The following NEO1 variants were observed in gnomAD, a reference collection of about 807,000 sequenced individuals.
The protein encoded by NEO1 is neogenin.
A neutral mutation model predicts 159.7 loss-of-function variants in NEO1; 63 were observed. The observed-to-expected ratio is 0.39, with a 90% CI of 0.32 to 0.49. NEO1 has a LOEUF of 0.49. Ranked by LOEUF, NEO1 falls within the 20% of genes least tolerant of loss-of-function variation. The pLI is 0.85. For synonymous variants in NEO1, 633 were observed against 662.0 expected (o/e 0.96, Z 0.67); for missense variants, 1,615 against 1,831.0 (o/e 0.88, Z 2.15).
chr15:73,082,354 G>T (rs28676873), intron 1 of NEO1, among the ~76,000 whole-genome samples: 28 of 151,776 alleles, frequency 1.8e-4, no homozygotes, highest in Admixed American at 1.4e-3. Context: ...TCTGTCTACC[G>T]CATCGTAATA....
rs182208025 is a variant in NEO1 at position 73,068,680 on chromosome 15, T to A, written c.130+15875T>A. Among the ~76,000 whole-genome samples the A allele has an allele frequency of 2.5e-3, 380 of 152,244 alleles. 3 individuals are homozygous for A. Among genetic ancestry groups the A allele is most frequent in the African/African-American group, 7.8e-3 (323 of 41,526 alleles). ...TTGGTGTTTTTATTTATTAATTTTT[T>A]AAAAATTTGTTCAGTTATTTTAGTG... On this transcript the variant is annotated intron_variant, in intron 1 of 28. Coordinates refer to ENST00000261908, the MANE Select transcript of NEO1 (RefSeq NM_002499.4).
At chr15:73,170,304 C>T (rs1051615280) in intron 5 of NEO1, among the ~76,000 whole-genome samples, 2 of 152,078 alleles carry the variant, frequency 1.3e-5, no homozygotes, top group African/African-American at 4.8e-5. Context: ...ATGTTAGTGT[C>T]ATTGAGAACA....
intron 1 of NEO1, among the ~76,000 whole-genome samples, chr15:73,075,391 G>A (rs914861619): frequency 3.3e-5 from 5 of 152,098 alleles, no homozygotes; most frequent in African/African-American, 1.2e-4. Flanking sequence ...TGTAACCTGA[G>A]ACAACATATT....
chr15:73,197,466 A>C (rs1748470865), intron 7 of NEO1, among the ~76,000 whole-genome samples: 2 of 152,128 alleles, frequency 1.3e-5, no homozygotes, highest in Admixed American at 6.5e-5. Context: ...ATGCATTAGG[A>C]ATTATGACTT....
chr15:73,090,970 A>G (rs2069657755), intron 1 of NEO1, among the ~76,000 whole-genome samples: 1 of 152,212 alleles, frequency 6.6e-6, no homozygotes, highest in African/African-American at 2.4e-5. Flanking sequence ...AGTTACTATT[A>G]TCCCAATCTT....
intron 5 of NEO1, among the ~76,000 whole-genome samples, chr15:73,150,686 C>T (rs2033295992): frequency 6.8e-6 from 1 of 146,670 alleles, no homozygotes. Context: ...CTTAGATGTG[C>T]TGTTTATGTG....
rs2151203007 is a variant in NEO1 at position 73,304,553 on chromosome 15, G to T, written c.*1857G>T. The T allele has an allele frequency of 6.6e-6, 1 of 152,324 alleles. No homozygotes were observed. The highest frequency in any genetic ancestry group is 1.9e-4 in the East Asian group (1 of 5,190). The allele number at this position is 152,324 out of a possible 1,614,324, so 9.4% of individuals were successfully genotyped here. A position where few individuals can be genotyped will look rare whatever the true frequency, so the allele number is the denominator to read the frequency against. Reference sequence around the variant, plus strand: ...TTTATGATTTGGGGGGCAATGAAAGGTGCAATGCAGGAACTGCTGCTGCCG... The same window carrying T: ...TTTATGATTTGGGGGGCAATGAAAGTTGCAATGCAGGAACTGCTGCTGCCG... On this transcript the variant is annotated 3_prime_UTR_variant, in exon 29 of 29. Transcript: ENST00000261908.
intron 9 of NEO1, among the ~76,000 whole-genome samples, chr15:73,248,832 T>C (rs1318551280): frequency 1.3e-5 from 2 of 152,214 alleles, no homozygotes; most frequent in Non-Finnish European, 2.9e-5. Context: ...AAAACTGGGA[T>C]TTTATAAATC....
intron 7 of NEO1, among the ~76,000 whole-genome samples, chr15:73,206,518 G>A (rs997644615): frequency 3.9e-5 from 6 of 152,146 alleles, no homozygotes; most frequent in Admixed American, 2.0e-4. Flanking sequence ...AAAAAAGCTA[G>A]GGTAGCGTGT....
At chr15:73,176,671 T>C (rs1423502627) in intron 6 of NEO1, 114 bp downstream of exon 6, 1 of 718,184 alleles carries the variant, frequency 1.4e-6, no homozygotes, top group South Asian at 2.9e-5. Flanking sequence ...GCAAATGAAA[T>C]AGAAGAATTC....
In NEO1 at chr15:73,176,407, A is replaced by G. The variant is rs2035283446; in HGVS notation, c.1020A>G (p.Gln340=). The G allele has an allele frequency of 6.5e-7, 1 of 1,545,660 alleles. No individual in the cohort carries two copies. Among genetic ancestry groups the G allele is most frequent in the South Asian group, 1.3e-5 (1 of 76,866 alleles). ...AATTTCCTTTTTATTTTAAAGCTCA[A>G]CCTGAATTCCTGAAGCAGCCTACTA... ...EAQAELTVQA[Q]PEFLKQPTNI... Residue 340 remains glutamine, a synonymous_variant, in exon 6 of 29, where the codon CAA becomes CAG. Coordinates refer to ENST00000261908, the MANE Select transcript of NEO1 (RefSeq NM_002499.4).
At chr15:73,083,584 A>G (rs756723829) in intron 1 of NEO1, among the ~76,000 whole-genome samples, 18 of 152,048 alleles carry the variant, frequency 1.2e-4, no homozygotes, top group Non-Finnish European at 7.4e-5. Context: ...ACTCAGTCCC[A>G]TTTCCCTTGT....
At chr15:73,196,037 G>T (rs2036515727) in intron 7 of NEO1, among the ~76,000 whole-genome samples, 1 of 152,132 alleles carries the variant, frequency 6.6e-6, no homozygotes, top group Non-Finnish European at 1.5e-5. Flanking sequence ...GGACTGAATG[G>T]GTAATGAGCA....
At chr15:73,220,495 T>G (rs1007421867) in intron 7 of NEO1, among the ~76,000 whole-genome samples, 5 of 152,166 alleles carry the variant, frequency 3.3e-5, no homozygotes, top group Non-Finnish European at 5.9e-5. Context: ...ATTGGGGAAG[T>G]TCTCCTGGAT....
rs147910555 is a variant in NEO1, at chr15:73,154,659, C to T, written c.1015+18632C>T. On this transcript the variant is annotated intron_variant, in intron 5 of 28. Coordinates refer to ENST00000261908, the MANE Select transcript of NEO1 (RefSeq NM_002499.4). ...CTCCAGTTCCATTATCTGATATGAGCGTAGCTAGTCCTGCTCACTTTCAGT... is the reference window on the plus strand; with the variant it reads ...CTCCAGTTCCATTATCTGATATGAGTGTAGCTAGTCCTGCTCACTTTCAGT... 3.1e-3 allele frequency among the ~76,000 whole-genome samples: 477 copies of T among 152,232 alleles called. 3 individuals carry two copies. The highest frequency in any genetic ancestry group is 0.011 in the African/African-American group (451 of 41,532).
intron 1 of NEO1, among the ~76,000 whole-genome samples, chr15:73,089,148 A>T (rs951404175): frequency 1.3e-5 from 2 of 152,154 alleles, no homozygotes; most frequent in African/African-American, 4.8e-5. Flanking sequence ...GATTATAATG[A>T]TGAGTGAACA....
At chr15:73,084,239 A>G (rs888730399) in intron 1 of NEO1, among the ~76,000 whole-genome samples, 4 of 152,156 alleles carry the variant, frequency 2.6e-5, no homozygotes, top group African/African-American at 9.7e-5. Flanking sequence ...TTATTGTACA[A>G]TAGACCTCTT....
At chr15:73,063,890 C>T (rs1040960055) in intron 1 of NEO1, among the ~76,000 whole-genome samples, 5 of 151,962 alleles carry the variant, frequency 3.3e-5, no homozygotes, top group African/African-American at 4.8e-5. Flanking sequence ...TTTATTATTA[C>T]GTATTTGCTT....
At chr15:73,296,526 C>T (rs1253043658) in intron 26 of NEO1, among the ~76,000 whole-genome samples, 1 of 152,158 alleles carries the variant, frequency 6.6e-6, no homozygotes, top group Non-Finnish European at 1.5e-5. Flanking sequence ...CCACTCGTGA[C>T]TGGTGTGGCC....
Sources: gnomAD v4.1 joint callset for allele counts (sites outside exome capture counted in the v4.1 genomes callset) on GRCh38, gnomAD v4.1.1 for gene constraint, MANE v1.5 for transcripts, NCBI Gene and HGNC (gene_info 2026-07-23, HGNC 2026-07-21) for gene names.